The following LRRC72 variants were observed in gnomAD, a reference collection of about 807,000 sequenced individuals.
The protein encoded by LRRC72 is leucine-rich repeat-containing protein 72.
LRRC72 carries 41 observed loss-of-function variants against 35.8 expected under a neutral mutation model. The ratio of observed to expected loss-of-function variants is 1.15; its 90% CI spans 0.89 to 1.49. The LOEUF (loss-of-function observed/expected upper bound fraction) is 1.49, where lower values mean the gene tolerates loss of function less well. Ranked by LOEUF, LRRC72 falls within the 40% of genes most tolerant of loss-of-function variation. The pLI is 0.00. For synonymous variants in LRRC72, 118 were observed against 119.2 expected, an observed-to-expected ratio of 0.99 and a Z score of 0.07; for missense variants, 389 against 330.7, an observed-to-expected ratio of 1.18 and a Z score of -1.37.
At chr7:16,546,321 C>T (rs951018712) in intron 3 of LRRC72, among the ~76,000 whole-genome samples, 1 of 151,948 alleles carries the variant, frequency 6.6e-6, no homozygotes, top group Admixed American at 6.6e-5. Flanking sequence ...TTCAACCTTG[C>T]TACTATTGCG....
chr7:16,532,019 T>C (rs985816125), intron 1 of LRRC72, among the ~76,000 whole-genome samples: 1 of 152,194 alleles, frequency 6.6e-6, no homozygotes, highest in Non-Finnish European at 1.5e-5. Flanking sequence ...ATTTACTGGG[T>C]GCCAAGCATA....
chr7:16,558,867 A>G, intron 4 of LRRC72, 22 bp from the exon 5 acceptor site: 2 of 1,334,188 alleles, frequency 1.5e-6, no homozygotes, highest in Admixed American at 6.0e-5. Context: ...AAAATCTTGT[A>G]AAAATATTCT....
intron 7 of LRRC72, among the ~76,000 whole-genome samples, chr7:16,572,804 G>A (rs1234844357): frequency 6.6e-6 from 1 of 152,104 alleles, no homozygotes; most frequent in Non-Finnish European, 1.5e-5. Flanking sequence ...TCTGGCCAGG[G>A]TAATCAGGCA....
At chr7:16,531,263 T>C (rs1389488358) in intron 1 of LRRC72, among the ~76,000 whole-genome samples, 1 of 151,742 alleles carries the variant, frequency 6.6e-6, no homozygotes, top group Non-Finnish European at 1.5e-5. Context: ...AATGGGTTTT[T>C]CCAAGCCCCA....
intron 5 of LRRC72, among the ~76,000 whole-genome samples, chr7:16,559,931 G>C (rs148461562): frequency 5.8e-4 from 87 of 150,938 alleles, no homozygotes; most frequent in African/African-American, 2.0e-3. Context: ...TGGAGGCCCA[G>C]CAAACTTTAT....
intron 2 of LRRC72, among the ~76,000 whole-genome samples, chr7:16,535,713 G>T (rs759612447): frequency 2.0e-5 from 3 of 152,162 alleles, no homozygotes; most frequent in Admixed American, 6.5e-5. Context: ...GACGTCATTT[G>T]GATCCTTATG....
At chr7:16,544,106 G>C (rs1004962216) in intron 3 of LRRC72, among the ~76,000 whole-genome samples, 1 of 152,156 alleles carries the variant, frequency 6.6e-6, no homozygotes, top group Non-Finnish European at 1.5e-5. Flanking sequence ...TCTGCTCCTA[G>C]CAAGTACATT....
intron 3 of LRRC72, among the ~76,000 whole-genome samples, chr7:16,545,172 T>C (rs770930173): frequency 2.0e-5 from 3 of 152,128 alleles, no homozygotes; most frequent in Non-Finnish European, 2.9e-5. Flanking sequence ...GAACTTAAGG[T>C]AAAATAAAAT....
chr7:16,551,945 G>C (rs939799048), intron 3 of LRRC72, among the ~76,000 whole-genome samples: 2 of 152,204 alleles, frequency 1.3e-5, no homozygotes, highest in Admixed American at 1.3e-4. Context: ...GAGCAGTCTT[G>C]TGGGACTGAG....
At chr7:16,529,544 T>C (rs1249976982) in intron 1 of LRRC72, among the ~76,000 whole-genome samples, 3 of 152,236 alleles carry the variant, frequency 2.0e-5, no homozygotes, top group Non-Finnish European at 4.4e-5. Flanking sequence ...TGAGGGCATA[T>C]AGTACTAGTG....
At chr7:16,572,106 G>A (rs1285604841) in intron 7 of LRRC72, among the ~76,000 whole-genome samples, 2 of 152,122 alleles carry the variant, frequency 1.3e-5, no homozygotes, top group Non-Finnish European at 2.9e-5. Context: ...GACTAAACCA[G>A]GAAGAACTCA....
In LRRC72 at chr7:16,559,012, A is replaced by G; in HGVS notation, c.427+13A>G. On this transcript the variant is annotated intron_variant, in intron 5 of 8. Coordinates refer to ENST00000401542, the MANE Select transcript of LRRC72 (RefSeq NM_001195280.2). ...CTGAAGATCCTAAGTAACAATTTGCAATTTTATATGGCCATAAGTTAAAAT... is the reference window on the plus strand; with the variant it reads ...CTGAAGATCCTAAGTAACAATTTGCGATTTTATATGGCCATAAGTTAAAAT... The G allele has an allele frequency of 7.0e-7, 1 of 1,436,132 alleles. No individual in the cohort carries two copies. Among genetic ancestry groups the G allele is most frequent in the Non-Finnish European group, 9.5e-7 (1 of 1,052,788 alleles). 89.0% of individuals were successfully genotyped at this position (1,436,132 alleles called of 1,614,324 possible). A position where few individuals can be genotyped will look rare whatever the true frequency, so the allele number is the denominator to read the frequency against.
intron 2 of LRRC72, among the ~76,000 whole-genome samples, chr7:16,535,052 G>A (rs1464345497): frequency 1.3e-5 from 2 of 152,068 alleles, no homozygotes; most frequent in Admixed American, 1.3e-4. Flanking sequence ...AGCTAGGTGT[G>A]GTGGCATGCA....
In LRRC72 at chr7:16,567,485, T is replaced by C; in HGVS notation, c.612T>C (p.Asp204=). Reference sequence around the variant, plus strand: ...CAATAGCATTCGGAGGAAAAGTGGATGCTTCATGGGATCCTAAATCACCAT... The same window carrying C: ...CAATAGCATTCGGAGGAAAAGTGGACGCTTCATGGGATCCTAAATCACCAT... ...VQSIAFGGKV[D]ASWDPKSPFK... is the part of the protein sequence containing the mutation. The change falls in exon 7 of 9, where the codon GAT becomes GAC. Residue 204 remains aspartate (D), a synonymous_variant. Coordinates refer to ENST00000401542, the MANE Select transcript of LRRC72 (RefSeq NM_001195280.2). 1.3e-6 allele frequency: 2 copies of C among 1,533,058 alleles called. No homozygotes were observed. The highest frequency in any genetic ancestry group is 1.8e-6 in the Non-Finnish European group (2 of 1,138,346). The allele number at this position is 1,533,058 out of a possible 1,614,324, so 95.0% of individuals were successfully genotyped here. A position where few individuals can be genotyped will look rare whatever the true frequency, so the allele number is the denominator to read the frequency against.
intron 5 of LRRC72, among the ~76,000 whole-genome samples, chr7:16,563,287 T>C (rs1467252408): frequency 3.3e-5 from 5 of 152,166 alleles, no homozygotes; most frequent in South Asian, 2.1e-4. Flanking sequence ...CTTTTTTTTT[T>C]CCTCTTCTGT....
chr7:16,561,508 G>A (rs1486279465), intron 5 of LRRC72, among the ~76,000 whole-genome samples: 1 of 152,156 alleles, frequency 6.6e-6, no homozygotes, highest in Non-Finnish European at 1.5e-5. Context: ...GGCATGAGGA[G>A]TGGGAATTTT....
At chr7:16,570,601 C>A (rs1395394419) in intron 7 of LRRC72, among the ~76,000 whole-genome samples, 1 of 152,004 alleles carries the variant, frequency 6.6e-6, no homozygotes, top group African/African-American at 2.4e-5. Context: ...GGCGGATCAC[C>A]TGAGGTCAGG....
intron 5 of LRRC72, among the ~76,000 whole-genome samples, chr7:16,562,497 C>A (rs1374779893): frequency 6.6e-6 from 1 of 152,232 alleles, no homozygotes; most frequent in African/African-American, 2.4e-5. Flanking sequence ...AAGACTCCTG[C>A]ATGCCATAAT....
At position 16,557,342 on chromosome 7, in the gene LRRC72, T is replaced by C; in HGVS notation, c.235-18T>C. ...AGTTATTATAGAAAGTATATTGTTC[T>C]CTAACTCTCATTTTTAGCTCCATGG... On this transcript the variant is annotated intron_variant, in intron 3 of 8. Coordinates refer to ENST00000401542, the MANE Select transcript of LRRC72 (RefSeq NM_001195280.2). 1 of 1,050,556 alleles carries C rather than the reference T, an allele frequency of 9.5e-7. No homozygotes were observed. The highest frequency in any genetic ancestry group is 1.3e-6 in the Non-Finnish European group (1 of 775,302). The allele number at this position is 1,050,556 out of a possible 1,614,324, so 65.1% of individuals were successfully genotyped here.
Sources: allele counts gnomAD v4.1 joint callset (sites outside exome capture counted in the v4.1 genomes callset), GRCh38; gene constraint gnomAD v4.1.1; transcripts MANE v1.5; gene names NCBI Gene and HGNC (gene_info 2026-07-23, HGNC 2026-07-21).